Variants in EIF2AK1 observed in about 807,000 individuals in gnomAD.
The protein encoded by EIF2AK1 is eukaryotic translation initiation factor 2 alpha kinase 1, also known as eukaryotic translation initiation factor 2-alpha kinase 1.
In EIF2AK1, 54 loss-of-function variants were observed where a neutral mutation model predicts 77.9. The ratio of observed to expected loss-of-function variants is 0.69; its 90% CI spans 0.56 to 0.87. The LOEUF (loss-of-function observed/expected upper bound fraction) is 0.87. Ranked by LOEUF, EIF2AK1 falls within the 40% of genes least tolerant of loss-of-function variation. The probability of loss-of-function intolerance (pLI) is 0.00; values close to 1 mark genes in which losing one functional copy is unlikely to be tolerated. For synonymous variants in EIF2AK1, 314 were observed against 290.5 expected (o/e 1.08, Z -0.82); for missense variants, 810 against 768.6 (o/e 1.05, Z -0.64).
In EIF2AK1 at chr7:6,052,171, C is replaced by CA. The variant is rs397779941; in HGVS notation, c.278-2127dup. Among the ~76,000 whole-genome samples, 651 of 90,632 alleles carry CA rather than the reference C, an allele frequency of 7.2e-3. 6 individuals carry two copies. The highest frequency in any genetic ancestry group is 0.015 in the African/African-American group (348 of 23,566). 59.5% of individuals were successfully genotyped at this position (90,632 alleles called of 152,430 possible). A position where few individuals can be genotyped will look rare whatever the true frequency, so the allele number is the denominator to read the frequency against. On this transcript the variant is annotated intron_variant, in intron 2 of 14. Coordinates refer to ENST00000199389, the MANE Select transcript of EIF2AK1 (RefSeq NM_014413.4). ...TGGGCGACAGAGCAAGACTCCTTATCAAAAAAAAAAAAAAAAAAAGTCATC... is the reference window on the plus strand; with the variant it reads ...TGGGCGACAGAGCAAGACTCCTTATCAAAAAAAAAAAAAAAAAAAAGTCATC...
intron 8 of EIF2AK1, 90 bp downstream of exon 8, chr7:6,042,843 G>A: frequency 9.1e-7 from 1 of 1,096,206 alleles, no homozygotes; most frequent in Non-Finnish European, 1.4e-6. Flanking sequence ...TCTAGTCTGG[G>A]TGACAGAGCG....
intron 9 of EIF2AK1, among the ~76,000 whole-genome samples, chr7:6,039,899 T>C (rs982402341): frequency 2.0e-5 from 3 of 151,870 alleles, no homozygotes; most frequent in African/African-American, 7.2e-5. Context: ...ATCATGCCAC[T>C]GTACTCCAGC....
At chr7:6,058,642 TGAC>T (rs1788862349) in intron 1 of EIF2AK1, among the ~76,000 whole-genome samples, 1 of 152,122 alleles carries the variant, frequency 6.6e-6, no homozygotes, top group Non-Finnish European at 1.5e-5. Context: ...TCTCAACCAA[TGAC>T]AAAACCCAGG....
rs1374586427 is a variant in EIF2AK1 at position 6,023,579 on chromosome 7, T to C, written c.*1094A>G. The C allele has an allele frequency of 6.2e-7, 1 of 1,614,136 alleles. No homozygotes were observed. The highest frequency in any genetic ancestry group is 8.5e-7 in the Non-Finnish European group (1 of 1,180,052). ...GTAGCAGACGTGGTGCTGTGGTCTGTACTCCAGCAGATCGGAGGCTGCAGT... is the reference window on the plus strand; with the variant it reads ...GTAGCAGACGTGGTGCTGTGGTCTGCACTCCAGCAGATCGGAGGCTGCAGT... On this transcript the variant is annotated 3_prime_UTR_variant, in exon 15 of 15. Coordinates refer to ENST00000199389, the MANE Select transcript of EIF2AK1 (RefSeq NM_014413.4).
At chr7:6,058,167 T>C (rs571604779) in intron 1 of EIF2AK1, 83 of 455,390 alleles carry the variant, frequency 1.8e-4, no homozygotes, top group Non-Finnish European at 3.0e-4. Context: ...CCCAGCATTT[T>C]GGAAGGCCGA....
intron 11 of EIF2AK1, among the ~76,000 whole-genome samples, chr7:6,030,799 C>A (rs1488088706): frequency 6.6e-6 from 1 of 151,984 alleles, no homozygotes; most frequent in East Asian, 1.9e-4. Flanking sequence ...ACCCAGCCAA[C>A]TTTGATATTT....
At chr7:6,051,268 T>C (rs185519629) in intron 2 of EIF2AK1, among the ~76,000 whole-genome samples, 1 of 148,504 alleles carries the variant, frequency 6.7e-6, no homozygotes, top group Admixed American at 6.8e-5. Context: ...CATTTTTTTT[T>C]CTTTCTTTTT....
intron 4 of EIF2AK1, among the ~76,000 whole-genome samples, chr7:6,048,237 C>T (rs1298041966): frequency 6.6e-6 from 1 of 152,126 alleles, no homozygotes; most frequent in African/African-American, 2.4e-5. Flanking sequence ...AGCTTTCACT[C>T]CCCATCCTTC....
Position 6,023,827 on chromosome 7 carries a change from G to GTAATT in EIF2AK1, c.*841_*845dup. On this transcript the variant is annotated 3_prime_UTR_variant, in exon 15 of 15. Coordinates refer to ENST00000199389, the MANE Select transcript of EIF2AK1 (RefSeq NM_014413.4). ...TGTCAAGTGTCAATAAAAGCATCAT[G>GTAATT]TAATTTATGGTTTTCATTTTATTTA... 6.4e-7 allele frequency: 1 copy of GTAATT among 1,557,916 alleles called. No homozygotes were observed. Among genetic ancestry groups the GTAATT allele is most frequent in the Non-Finnish European group, 8.7e-7 (1 of 1,149,928 alleles).
Position 6,027,799 on chromosome 7 carries a change from T to A in EIF2AK1, c.1530+816A>T. Reference sequence around the variant, plus strand: ...AATCGATTTAGGCCAGGCGCAGAGGTTCATGCCTTAATCCCAGCACTTTGG... The same window carrying A: ...AATCGATTTAGGCCAGGCGCAGAGGATCATGCCTTAATCCCAGCACTTTGG... On this transcript the variant is annotated intron_variant, in intron 13 of 14. Transcript: ENST00000199389. The surrounding 1 kb of genome is among the most constrained non-coding windows in gnomAD (Gnocchi z 4.5). The A allele has an allele frequency of 3.3e-6, 1 of 306,600 alleles. No individual in the cohort carries two copies. Among genetic ancestry groups the A allele is most frequent in the Non-Finnish European group, 6.5e-6 (1 of 154,384 alleles). The allele number at this position is 306,600 out of a possible 1,614,324, so 19.0% of individuals were successfully genotyped here. A position where few individuals can be genotyped will look rare whatever the true frequency, so the allele number is the denominator to read the frequency against.
intron 1 of EIF2AK1, among the ~76,000 whole-genome samples, chr7:6,056,316 C>G (rs1174912995): frequency 6.2e-5 from 8 of 129,608 alleles, no homozygotes; most frequent in Non-Finnish European, 8.3e-5. Flanking sequence ...AAAAAAAGGC[C>G]GGGTACGGTG....
intron 11 of EIF2AK1, among the ~76,000 whole-genome samples, chr7:6,031,205 C>A (rs904040488): frequency 2.6e-5 from 4 of 152,126 alleles, no homozygotes; most frequent in Non-Finnish European, 4.4e-5. Context: ...ATTCTATGAT[C>A]AAGGAACAAA....
chr7:6,058,591 A>T (rs1289376189), intron 1 of EIF2AK1, among the ~76,000 whole-genome samples: 1 of 152,256 alleles, frequency 6.6e-6, no homozygotes, highest in Non-Finnish European at 1.5e-5. Flanking sequence ...TATTCAGCGT[A>T]TAGTTTGCAA....
chr7:6,024,884 G>A (rs907796066), intron 14 of EIF2AK1, 83 bp from the exon 15 acceptor site: 5 of 1,098,320 alleles, frequency 4.6e-6, no homozygotes, highest in Non-Finnish European at 6.2e-6. Context: ...TGTCGCCCAG[G>A]CTGGAGTACA....
intron 2 of EIF2AK1, among the ~76,000 whole-genome samples, chr7:6,051,529 T>C (rs1238391854): frequency 6.6e-6 from 1 of 151,952 alleles, no homozygotes; most frequent in Non-Finnish European, 1.5e-5. Context: ...TCCTGGATTC[T>C]AGGGATTCTC....
chr7:6,049,028 C>A (rs1788522539), intron 3 of EIF2AK1, among the ~76,000 whole-genome samples, 184 bp from the exon 4 acceptor site: 1 of 152,092 alleles, frequency 6.6e-6, no homozygotes, highest in Non-Finnish European at 1.5e-5. Flanking sequence ...AACAGACCAG[C>A]AAGCAGACAA....
chr7:6,050,577 G>GA (rs1788580841), intron 2 of EIF2AK1, among the ~76,000 whole-genome samples: 1 of 150,400 alleles, frequency 6.6e-6, no homozygotes, highest in Admixed American at 6.7e-5. Flanking sequence ...ACTCATTCAT[G>GA]AAAAGCACAA....
In EIF2AK1 at chr7:6,026,479, G is replaced by A. The variant is rs1362937496; in HGVS notation, c.1764+249C>T. Reference sequence around the variant, plus strand: ...GGCCCCCAGCCCTCCGCTCCTCTTTGTGAACACCAGCAGATACCTCCTGTG... The same window carrying A: ...GGCCCCCAGCCCTCCGCTCCTCTTTATGAACACCAGCAGATACCTCCTGTG... On this transcript the variant is annotated intron_variant, in intron 14 of 14. Transcript: ENST00000199389. 4.6e-6 allele frequency: 3 copies of A among 655,314 alleles called. No homozygotes were observed. The African/African-American group carries it at 5.4e-5, about 12-fold the overall frequency. The allele number at this position is 655,314 out of a possible 1,614,324, so 40.6% of individuals were successfully genotyped here.
chr7:6,031,491 A>T, intron 11 of EIF2AK1: 2 of 1,550,662 alleles, frequency 1.3e-6, no homozygotes, highest in Non-Finnish European at 8.7e-7. Flanking sequence ...ATCATGAGAG[A>T]AGACTGCACT....
Sources: allele counts gnomAD v4.1 joint callset (sites outside exome capture counted in the v4.1 genomes callset), GRCh38; gene constraint gnomAD v4.1.1; non-coding constraint Gnocchi (gnomAD v3.1); transcripts MANE v1.5; gene names NCBI Gene and HGNC (gene_info 2026-07-23, HGNC 2026-07-21).